Variants in FIP1L1 observed in about 807,000 individuals in gnomAD.
The protein encoded by FIP1L1 is factor interacting with PAPOLA and CPSF1.
A neutral mutation model predicts 84.6 loss-of-function variants in FIP1L1; 21 were observed. The ratio of observed to expected loss-of-function variants is 0.25; its 90% CI spans 0.18 to 0.36. The LOEUF (loss-of-function observed/expected upper bound fraction) is 0.36, where lower values mean the gene tolerates loss of function less well. FIP1L1 is among the 10% of genes least tolerant of loss of function. The pLI, the probability that FIP1L1 is intolerant of heterozygous loss-of-function variation, is 1.00. For synonymous variants in FIP1L1, 263 were observed against 242.3 expected (o/e 1.09, Z -0.80); for missense variants, 526 against 751.1 (o/e 0.70, Z 3.50).
At chr4:53,424,167 A>C (rs1763458351) in intron 11 of FIP1L1, among the ~76,000 whole-genome samples, 1 of 152,146 alleles carries the variant, frequency 6.6e-6, no homozygotes, top group African/African-American at 2.4e-5. Flanking sequence ...GCGAAAATAA[A>C]AATTTTGACA....
intron 9 of FIP1L1, among the ~76,000 whole-genome samples, chr4:53,395,756 G>C (rs1243872541): frequency 1.3e-5 from 2 of 152,142 alleles, no homozygotes; most frequent in East Asian, 3.9e-4. Flanking sequence ...GTGTGTGTGT[G>C]TATGTGTATA....
At chr4:53,409,748 T>A (rs565614534) in intron 10 of FIP1L1, among the ~76,000 whole-genome samples, 15 of 152,314 alleles carry the variant, frequency 9.8e-5, no homozygotes, top group Admixed American at 3.3e-4. Context: ...CTCAGACTGC[T>A]GTGCTAGCAA....
chr4:53,420,893 G>A (rs997665602), intron 11 of FIP1L1, among the ~76,000 whole-genome samples: 1 of 152,100 alleles, frequency 6.6e-6, no homozygotes, highest in Non-Finnish European at 1.5e-5. Context: ...TTTTTTATGA[G>A]CTACTTTAAG....
At chr4:53,382,381 AAT>A in intron 4 of FIP1L1, 46 bp downstream of exon 4, 1 of 1,464,196 alleles carries the variant, frequency 6.8e-7, no homozygotes, top group South Asian at 1.1e-5. Context: ...AATCTTTATC[AAT>A]AGCTTCACAG....
At chr4:53,396,655 C>T (rs572747628) in intron 9 of FIP1L1, among the ~76,000 whole-genome samples, 3 of 152,274 alleles carry the variant, frequency 2.0e-5, no homozygotes, top group African/African-American at 4.8e-5. Flanking sequence ...CCACCCACCT[C>T]GGCCTCCCAA....
chr4:53,384,025 ACTT>A, intron 5 of FIP1L1, 149 bp downstream of exon 5: 2 of 718,558 alleles, frequency 2.8e-6, no homozygotes, highest in Non-Finnish European at 4.4e-6. Flanking sequence ...TCATGAATAT[ACTT>A]CTTTGCTAAA....
chr4:53,434,991 A>G (rs780346433), intron 13 of FIP1L1, among the ~76,000 whole-genome samples: 11 of 152,286 alleles, frequency 7.2e-5, no homozygotes, highest in African/African-American at 1.2e-4. Context: ...TTATAATACC[A>G]TGAATTTTTG....
chr4:53,459,277 CTTTT>C (rs3067115), intron 17 of FIP1L1, 21 bp from the exon 18 acceptor site: 983 of 972,374 alleles, frequency 1.0e-3, no homozygotes, highest in East Asian at 1.3e-3. Context: ...CAGAACACAC[CTTTT>C]TTTTTTTTTT....
chr4:53,442,833 A>G (rs906616178), intron 14 of FIP1L1, 126 bp downstream of exon 14: 1 of 580,724 alleles, frequency 1.7e-6, no homozygotes, highest in Admixed American at 3.3e-5. Context: ...TTATAAATCT[A>G]GATCTATGTT....
At chr4:53,438,959 G>A (rs1454823422) in intron 13 of FIP1L1, among the ~76,000 whole-genome samples, 4 of 152,124 alleles carry the variant, frequency 2.6e-5, no homozygotes, top group Admixed American at 1.3e-4. Flanking sequence ...TAGAATGGGT[G>A]GATGATTTTG....
At chr4:53,412,045 G>C (rs1437823309) in intron 10 of FIP1L1, among the ~76,000 whole-genome samples, 2 of 151,726 alleles carry the variant, frequency 1.3e-5, no homozygotes, top group Non-Finnish European at 2.9e-5. Flanking sequence ...AAAAAATAAA[G>C]TTTTATTTTG....
chr4:53,439,471 T>C (rs1315659804), intron 13 of FIP1L1, among the ~76,000 whole-genome samples: 1 of 152,098 alleles, frequency 6.6e-6, no homozygotes, highest in African/African-American at 2.4e-5. Context: ...CTTACTCTGA[T>C]AAAACATGCA....
rs75183171 is a variant in FIP1L1, at chr4:53,398,007, C to T, written c.706-1723C>T. ...AACTCTGAATATTCCTTGACATCCC[C>T]AGGCAGAACAATGCGTTTCTTTTTG... On this transcript the variant is annotated intron_variant, in intron 9 of 17. Transcript: ENST00000337488. 7.1e-3 allele frequency among the ~76,000 whole-genome samples: 1,082 copies of T among 152,262 alleles called. 14 individuals carry two copies. The highest frequency in any genetic ancestry group is 0.024 in the African/African-American group (1,011 of 41,534).
chr4:53,404,856 G>T (rs1216259308), intron 10 of FIP1L1, among the ~76,000 whole-genome samples: 1 of 151,644 alleles, frequency 6.6e-6, no homozygotes, highest in Non-Finnish European at 1.5e-5. Context: ...TTTTGATGGG[G>T]TTGTTTTTTT....
At chr4:53,386,037 ATTT>A (rs1163195461) in intron 5 of FIP1L1, among the ~76,000 whole-genome samples, 2 of 139,450 alleles carry the variant, frequency 1.4e-5, no homozygotes. Flanking sequence ...ACAAAATAGC[ATTT>A]TTTTTTTTTT....
intron 15 of FIP1L1, 126 bp from the exon 16 acceptor site, chr4:53,452,794 C>T (rs920676582): frequency 3.0e-6 from 2 of 674,190 alleles, no homozygotes; most frequent in African/African-American, 1.8e-5. Context: ...ATTCATTCAC[C>T]ATGTGATATT....
intron 9 of FIP1L1, 90 bp from the exon 10 acceptor site, chr4:53,399,640 T>G: frequency 1.2e-6 from 1 of 810,018 alleles, no homozygotes; most frequent in East Asian, 2.5e-5. Context: ...AACTTCAAAT[T>G]AAATGTTGTA....
Position 53,390,647 on chromosome 4 carries a change from A to G in FIP1L1, c.505+19A>G. 1.3e-6 allele frequency: 2 copies of G among 1,504,966 alleles called. No homozygotes were observed. Among genetic ancestry groups the G allele is most frequent in the Non-Finnish European group, 1.8e-6 (2 of 1,100,828 alleles). 93.2% of individuals were successfully genotyped at this position (1,504,966 alleles called of 1,614,324 possible). A position where few individuals can be genotyped will look rare whatever the true frequency, so the allele number is the denominator to read the frequency against. The stretch of plus-strand genomic sequence containing the variant: ...AAACCTGGTAAGATTATTGTGGATT[A>G]TATTAATTTCAATATTTTCAGTGTG... On this transcript the variant is annotated intron_variant, in intron 7 of 17. Coordinates refer to ENST00000337488, the MANE Select transcript of FIP1L1 (RefSeq NM_030917.4).
intron 9 of FIP1L1, among the ~76,000 whole-genome samples, chr4:53,392,946 T>A (rs1217651298): frequency 6.6e-6 from 1 of 152,214 alleles, no homozygotes; most frequent in Admixed American, 6.5e-5. Flanking sequence ...AATACTAATA[T>A]GTTTGGTAGA....
Sources: gnomAD v4.1 joint callset for allele counts (sites outside exome capture counted in the v4.1 genomes callset) on GRCh38, gnomAD v4.1.1 for gene constraint, MANE v1.5 for transcripts, NCBI Gene and HGNC (gene_info 2026-07-23, HGNC 2026-07-21) for gene names.